CTNNA1: variants seen among roughly 807,000 people sequenced by gnomAD.
CTNNA1 encodes the protein catenin alpha-1.
In CTNNA1, 37 loss-of-function variants were observed where a neutral mutation model predicts 98.4. That is an observed-to-expected ratio of 0.38 (90% CI 0.29 to 0.49). The LOEUF is 0.49. CTNNA1 is among the 20% of genes least tolerant of loss of function. The probability of loss-of-function intolerance (pLI) is 0.95; values close to 1 mark genes in which losing one functional copy is unlikely to be tolerated. For missense variants in CTNNA1, 761 were observed against 1,147.2 expected, an observed-to-expected ratio of 0.66 and a Z score of 4.86; for synonymous variants, 404 against 413.2, an observed-to-expected ratio of 0.98 and a Z score of 0.27.
At chr5:138,763,668 C>G (rs947722837) in intron 1 of CTNNA1, among the ~76,000 whole-genome samples, 9 of 152,200 alleles carry the variant, frequency 5.9e-5, no homozygotes, top group African/African-American at 2.2e-4. Context: ...AATTCTAAAT[C>G]ATGGTTTGTG....
At chr5:138,823,620 C>T (rs1365939544) in intron 5 of CTNNA1, among the ~76,000 whole-genome samples, 2 of 152,108 alleles carry the variant, frequency 1.3e-5, no homozygotes, top group African/African-American at 4.8e-5. Context: ...TTCATACATA[C>T]CTGTGGCATC....
At chr5:138,849,263 A>C (rs1467183475) in intron 7 of CTNNA1, among the ~76,000 whole-genome samples, 1 of 149,952 alleles carries the variant, frequency 6.7e-6, no homozygotes, top group Non-Finnish European at 1.5e-5. Context: ...TTTCCTCTCT[A>C]TTTTTTTTTA....
Position 138,915,378 on chromosome 5 carries a change from CA to C in CTNNA1, c.1390-2363del, listed in dbSNP as rs1239645252. On this transcript the variant is annotated intron_variant, in intron 10 of 17. Transcript: ENST00000302763. ...CATCATCAGCTATCAGGATGGTGGT[CA>C]CTTCAGATCCACTAGCATGGCTAGA... Among the ~76,000 whole-genome samples the C allele has an allele frequency of 3.9e-5, 6 of 152,208 alleles. No homozygotes were observed. The South Asian group carries it at 1.2e-3, about 32-fold the overall frequency.
At chr5:138,917,591 C>A in intron 10 of CTNNA1, 151 bp from the exon 11 acceptor site, 1 of 687,952 alleles carries the variant, frequency 1.5e-6, no homozygotes, top group Non-Finnish European at 2.3e-6. Context: ...TTCAACTTCA[C>A]CATATAAAAC....
chr5:138,867,279 C>T (rs1022258659), intron 7 of CTNNA1, among the ~76,000 whole-genome samples: 21 of 152,148 alleles, frequency 1.4e-4, no homozygotes, highest in Non-Finnish European at 7.3e-5. Flanking sequence ...CTCTCTGATC[C>T]CAGCTTCCCT....
At chr5:138,913,126 C>T (rs905891587) in intron 10 of CTNNA1, among the ~76,000 whole-genome samples, 6 of 150,182 alleles carry the variant, frequency 4.0e-5, no homozygotes, top group African/African-American at 1.5e-4. Flanking sequence ...CATTCAGTTT[C>T]GTTGAAACTG....
chr5:138,842,441 A>G (rs989685488), intron 7 of CTNNA1, among the ~76,000 whole-genome samples: 2 of 152,252 alleles, frequency 1.3e-5, no homozygotes, highest in Non-Finnish European at 2.9e-5. Flanking sequence ...GCCACTGTAT[A>G]TAGGAAAATT....
chr5:138,889,046 T>C (rs997338502), intron 9 of CTNNA1, among the ~76,000 whole-genome samples: 3 of 152,354 alleles, frequency 2.0e-5, no homozygotes, highest in African/African-American at 7.2e-5. Flanking sequence ...TGTATCTCCA[T>C]TAAGCATAAT....
intron 3 of CTNNA1, among the ~76,000 whole-genome samples, chr5:138,795,302 A>G (rs1210547866): frequency 6.6e-6 from 1 of 152,080 alleles, no homozygotes; most frequent in Non-Finnish European, 1.5e-5. Context: ...TACTAAAAAT[A>G]TAAAAATTAG....
chr5:138,853,543 T>C (rs1763442559), intron 7 of CTNNA1, among the ~76,000 whole-genome samples: 2 of 152,014 alleles, frequency 1.3e-5, no homozygotes, highest in African/African-American at 4.8e-5. Flanking sequence ...CAGGTAGATG[T>C]GTTTATCTTT....
intron 3 of CTNNA1, among the ~76,000 whole-genome samples, chr5:138,805,007 T>A (rs1757939561): frequency 6.6e-6 from 1 of 151,978 alleles, no homozygotes; most frequent in South Asian, 2.1e-4. Flanking sequence ...AAGCTTCCAA[T>A]CATGGTGGAA....
chr5:138,884,122 A>G (rs537830563), intron 7 of CTNNA1, among the ~76,000 whole-genome samples: 10 of 152,358 alleles, frequency 6.6e-5, no homozygotes, highest in Admixed American at 2.0e-4. Context: ...GTAGACATCA[A>G]TCAACACATG....
intron 7 of CTNNA1, among the ~76,000 whole-genome samples, chr5:138,834,265 T>C (rs1761560038): frequency 6.6e-6 from 1 of 152,232 alleles, no homozygotes; most frequent in Non-Finnish European, 1.5e-5. Flanking sequence ...TTCCTGATTA[T>C]AAAAGTTCTG....
At position 138,794,624 on chromosome 5, in the gene CTNNA1, A is replaced by G. The variant is rs144517423; in HGVS notation, c.301+11252A>G. On this transcript the variant is annotated intron_variant, in intron 3 of 17. Transcript: ENST00000302763. Reference sequence around the variant, plus strand: ...TTATAAGGGCTGTGTTATGAAGTCTATTATTCTTTGCATCTGTATTGCCAA... The same window carrying G: ...TTATAAGGGCTGTGTTATGAAGTCTGTTATTCTTTGCATCTGTATTGCCAA... Among the ~76,000 whole-genome samples the G allele has an allele frequency of 1.6e-4, 25 of 152,314 alleles. 1 individual carries two copies. The East Asian group carries it at 4.4e-3, about 27-fold the overall frequency.
intron 5 of CTNNA1, among the ~76,000 whole-genome samples, chr5:138,820,159 G>A (rs1301279285): frequency 6.6e-6 from 1 of 151,926 alleles, no homozygotes; most frequent in African/African-American, 2.4e-5. Context: ...AAGAGGGGTA[G>A]ATGGAGTGGC....
At chr5:138,790,424 A>G (rs1272005813) in intron 3 of CTNNA1, among the ~76,000 whole-genome samples, 1 of 152,108 alleles carries the variant, frequency 6.6e-6, no homozygotes, top group Non-Finnish European at 1.5e-5. Flanking sequence ...TGGATGTCAA[A>G]CCTTATTTTG....
chr5:138,811,741 C>A (rs946269221), intron 4 of CTNNA1, among the ~76,000 whole-genome samples: 1 of 152,064 alleles, frequency 6.6e-6, no homozygotes, highest in Non-Finnish European at 1.5e-5. Context: ...CACAGCGAAA[C>A]CCCGTCTCCA....
chr5:138,840,510 T>C (rs2149815549), intron 7 of CTNNA1, among the ~76,000 whole-genome samples: 1 of 152,382 alleles, frequency 6.6e-6, no homozygotes, highest in African/African-American at 2.4e-5. Context: ...CCTTCAGTTA[T>C]TCTTTTTGGC....
intron 4 of CTNNA1, among the ~76,000 whole-genome samples, chr5:138,810,618 A>G (rs1758584914): frequency 6.6e-6 from 1 of 152,240 alleles, no homozygotes; most frequent in South Asian, 2.1e-4. Flanking sequence ...GTAAGGTCAC[A>G]GATCAACAGG....
Sources: allele counts gnomAD v4.1 joint callset (sites outside exome capture counted in the v4.1 genomes callset), GRCh38; gene constraint gnomAD v4.1.1; transcripts MANE v1.5; gene names NCBI Gene and HGNC (gene_info 2026-07-23, HGNC 2026-07-21).